The following PLAUR variants were observed in gnomAD, a reference collection of about 807,000 sequenced individuals.
PLAUR encodes plasminogen activator, urokinase receptor.
In PLAUR, 22 loss-of-function variants were observed where a neutral mutation model predicts 33.4. That is an observed-to-expected ratio of 0.66 (90% confidence interval 0.47 to 0.94). PLAUR has a LOEUF of 0.94. Among genes scored for constraint, PLAUR ranks in the 40% least tolerant of loss-of-function variants. The probability of loss-of-function intolerance (pLI) is 0.00; values close to 1 mark genes in which losing one functional copy is unlikely to be tolerated. For missense variants in PLAUR, 408 were observed against 434.7 expected (o/e 0.94, Z 0.55); for synonymous variants, 148 against 167.3 (o/e 0.88, Z 0.89).
Position 43,656,500 on chromosome 19 carries a change from A to G in PLAUR, c.451T>C (p.Trp151Arg). ...EEQCLDVVTH[W>R]IQEGEEGRPK... is the part of the protein sequence containing the mutation. ...TCACCTTCTTCACCTTCCTGGATCC[A>G]GTGGGTCACCACATCCAGGCACTGT... Residue 151 changes from tryptophan to arginine, a missense_variant, in exon 4 of 7, where the codon TGG (tryptophan) becomes CGG (arginine). Coordinates refer to ENST00000340093, the MANE Select transcript of PLAUR (RefSeq NM_002659.4). The G allele has an allele frequency of 1.3e-6, 2 of 1,599,944 alleles. No individual in the cohort carries two copies. The highest frequency in any genetic ancestry group is 2.2e-5 in the South Asian group (2 of 89,938).
At chr19:43,662,143 T>G (rs988322039) in intron 3 of PLAUR, among the ~76,000 whole-genome samples, 1 of 152,116 alleles carries the variant, frequency 6.6e-6, no homozygotes, top group Non-Finnish European at 1.5e-5. Flanking sequence ...TGGTTTCCCC[T>G]CATCTACTCT....
chr19:43,646,538 G>T, downstream of PLAUR: 1 of 717,676 alleles, frequency 1.4e-6, no homozygotes, highest in Non-Finnish European at 2.6e-6. Flanking sequence ...AGCTTCCCCA[G>T]AGTGAGCGTT....
Position 43,649,058 on chromosome 19 carries a change from C to T in PLAUR, c.840G>A (p.Met280Ile), listed in dbSNP as rs1770921189. 1.9e-6 allele frequency: 3 copies of T among 1,614,074 alleles called. No individual in the cohort carries two copies. Among genetic ancestry groups the T allele is most frequent in the Non-Finnish European group, 2.5e-6 (3 of 1,180,048 alleles). The change falls in exon 7 of 7, where the codon ATG becomes ATA. Residue 280 changes from methionine to isoleucine, a missense_variant. Met to Ile is a conservative substitution (Grantham distance 10). Coordinates refer to ENST00000340093, the MANE Select transcript of PLAUR (RefSeq NM_002659.4). ...QHAHLGDAFS[M>I]NHIDVSCCTK... The stretch of plus-strand genomic sequence containing the variant: ...TACAGCAGGAGACATCAATGTGGTT[C>T]ATGCTGAAGGCGTCACCCAGGTGGG...
downstream of PLAUR, among the ~76,000 whole-genome samples, chr19:43,647,669 G>A (rs566714454): frequency 6.6e-6 from 1 of 152,228 alleles, no homozygotes; most frequent in African/African-American, 2.4e-5. Context: ...AGCCGGGTGT[G>A]GTGGTGCATG....
At chr19:43,663,638 G>T (rs1967101309) in intron 3 of PLAUR, among the ~76,000 whole-genome samples, 1 of 151,906 alleles carries the variant, frequency 6.6e-6, no homozygotes, top group Admixed American at 6.6e-5. Context: ...AAAATTAGCT[G>T]GGCGTGGTGG....
chr19:43,653,773 A>G (rs1189170302), intron 5 of PLAUR, among the ~76,000 whole-genome samples: 1 of 152,152 alleles, frequency 6.6e-6, no homozygotes, highest in Admixed American at 6.5e-5. Flanking sequence ...TGAGCCTGGG[A>G]GTTTGATACC....
At chr19:43,647,881 T>G (rs367575188), downstream of PLAUR, among the ~76,000 whole-genome samples, 3 of 150,150 alleles carry the variant, frequency 2.0e-5, no homozygotes, top group East Asian at 5.8e-4. Flanking sequence ...AAGGACAGGT[T>G]TATTTTAGAG....
In PLAUR at chr19:43,655,427, C is replaced by A; in HGVS notation, c.607+12G>T. The stretch of plus-strand genomic sequence containing the variant: ...CCGACCCCAGGCCTTGCCTGTGTCT[C>A]CCGTTCCTTACTTGGGCCCTCGTTG... On this transcript the variant is annotated intron_variant, in intron 5 of 6. Transcript: ENST00000340093. 6.2e-7 allele frequency: 1 copy of A among 1,613,764 alleles called. No homozygotes were observed. The highest frequency in any genetic ancestry group is 2.2e-5 in the East Asian group (1 of 44,880).
chr19:43,653,059 C>T (rs1182895199), intron 5 of PLAUR, among the ~76,000 whole-genome samples: 6 of 151,980 alleles, frequency 3.9e-5, no homozygotes, highest in African/African-American at 7.3e-5. Flanking sequence ...GCGACCCTCC[C>T]GCCTCCGCCT....
At chr19:43,665,250 G>C in intron 3 of PLAUR, 66 bp downstream of exon 3, 1 of 1,513,580 alleles carries the variant, frequency 6.6e-7, no homozygotes, top group Non-Finnish European at 9.2e-7. Flanking sequence ...GAATAGGATT[G>C]GGATGATGAT....
At chr19:43,649,695 A>G (rs1261380999) in intron 6 of PLAUR, among the ~76,000 whole-genome samples, 5 of 151,660 alleles carry the variant, frequency 3.3e-5, no homozygotes, top group Admixed American at 6.6e-5. Flanking sequence ...GGAGGAAGGA[A>G]GGAAGAAAGA....
chr19:43,668,298 G>A (rs1335547249), intron 1 of PLAUR: 5 of 986,338 alleles, frequency 5.1e-6, no homozygotes, highest in Non-Finnish European at 6.0e-6. Context: ...GCGAAGTTCT[G>A]TCTCCGCCCT....
Position 43,649,120 on chromosome 19 carries a change from C to A in PLAUR, c.778G>T (p.Val260Leu). 6.2e-7 allele frequency: 1 copy of A among 1,611,534 alleles called. No individual in the cohort carries two copies. ...THEPKNQSYM[V>L]RGCATASMCQ... ...ATTGAGGCGGTTGCACAGCCTCTTA[C>A]CATATAGCTTTGGTTTTTCGGTTCT... Residue 260 changes from valine to leucine, a missense_variant, in exon 7 of 7, where the codon GTA (valine) becomes TTA (leucine). By Grantham distance (32) the Val-to-Leu change is conservative. Transcript: ENST00000340093.
intron 2 of PLAUR, among the ~76,000 whole-genome samples, chr19:43,666,330 A>G (rs1967248223): frequency 6.6e-6 from 1 of 152,136 alleles, no homozygotes; most frequent in Non-Finnish European, 1.5e-5. Context: ...ATGTGTCCAC[A>G]TTGGTATCTG....
intron 5 of PLAUR, 139 bp downstream of exon 5, chr19:43,655,300 G>T: frequency 2.6e-6 from 1 of 386,928 alleles, no homozygotes; most frequent in Non-Finnish European, 4.2e-6. Flanking sequence ...AAAAAAAAAA[G>T]GCCTGATACT....
At chr19:43,666,728 C>T (rs1414494751) in intron 2 of PLAUR, among the ~76,000 whole-genome samples, 1 of 151,682 alleles carries the variant, frequency 6.6e-6, no homozygotes, top group Non-Finnish European at 1.5e-5. Flanking sequence ...CCACCAAGCC[C>T]GGCTAATTTT....
chr19:43,652,177 T>C (rs1184633767), intron 6 of PLAUR, 48 bp downstream of exon 6: 4 of 1,598,480 alleles, frequency 2.5e-6, no homozygotes, highest in Non-Finnish European at 2.6e-6. Context: ...CTTGCGGAAC[T>C]CTCCACCCCC....
intron 3 of PLAUR, chr19:43,661,238 A>G (rs1426272637): frequency 6.6e-6 from 1 of 152,144 alleles, no homozygotes; most frequent in African/African-American, 2.4e-5. Flanking sequence ...CCGTCTTCTC[A>G]GTCTAGCGAC....
intron 3 of PLAUR, among the ~76,000 whole-genome samples, chr19:43,663,149 T>C (rs571313220): frequency 1.5e-4 from 23 of 152,278 alleles, no homozygotes; most frequent in African/African-American, 5.5e-4. Flanking sequence ...CCTCTGCCTG[T>C]GTTTCCCCCT....
Sources: allele counts gnomAD v4.1 joint callset (sites outside exome capture counted in the v4.1 genomes callset), GRCh38; gene constraint gnomAD v4.1.1; transcripts MANE v1.5; gene names NCBI Gene and HGNC (gene_info 2026-07-23, HGNC 2026-07-21).